Variants in SORL1 observed in about 807,000 individuals in gnomAD.
The protein encoded by SORL1 is sortilin related receptor 1, also known as sortilin-related receptor.
In SORL1, 127 loss-of-function variants were observed where a neutral mutation model predicts 273.7. The ratio of observed to expected loss-of-function variants is 0.46; its 90% CI spans 0.40 to 0.54. SORL1 has a LOEUF of 0.54. Ranked by LOEUF, SORL1 falls within the 20% of genes least tolerant of loss-of-function variation. The pLI is 0.00. For missense variants in SORL1, 2,494 were observed against 2,846.1 expected, an observed-to-expected ratio of 0.88 and a Z score of 2.81; for synonymous variants, 1,031 against 1,067.4, an observed-to-expected ratio of 0.97 and a Z score of 0.66.
rs1250689304 is a variant in SORL1 at position 121,630,477 on chromosome 11, A to C, written c.*914A>C. 1 of 152,240 alleles carries C rather than the reference A, an allele frequency of 6.6e-6. No individual in the cohort carries two copies. The highest frequency in any genetic ancestry group is 1.5e-5 in the Non-Finnish European group (1 of 68,038). 9.4% of individuals were successfully genotyped at this position (152,240 alleles called of 1,614,324 possible). On this transcript the variant is annotated 3_prime_UTR_variant, in exon 48 of 48. Transcript: ENST00000260197. The stretch of plus-strand genomic sequence containing the variant: ...ATCCATACACTGGCTAATAGAGTAC[A>C]TAATTTTTCCATTTTCCATTTTTTG...
At chr11:121,473,492 T>C (rs1306671248) in intron 2 of SORL1, among the ~76,000 whole-genome samples, 2 of 152,264 alleles carry the variant, frequency 1.3e-5, no homozygotes, top group African/African-American at 4.8e-5. Context: ...AACTCTTTGT[T>C]TCTGCTCTCT....
intron 2 of SORL1, among the ~76,000 whole-genome samples, chr11:121,471,247 G>A (rs1396332106): frequency 2.0e-5 from 3 of 152,372 alleles, no homozygotes; most frequent in Non-Finnish European, 4.4e-5. Context: ...GGCTCTGGTT[G>A]CCGTGCAGGA....
At chr11:121,578,810 G>A (rs61902964) in intron 25 of SORL1, among the ~76,000 whole-genome samples, 3,311 of 152,270 alleles carry the variant, frequency 0.022, 66 homozygotes, top group Non-Finnish European at 0.035. Flanking sequence ...TCTTTCTGGC[G>A]CAGCCTCTGT....
intron 25 of SORL1, among the ~76,000 whole-genome samples, chr11:121,577,949 T>A (rs1171493715): frequency 6.6e-6 from 1 of 152,172 alleles, no homozygotes; most frequent in East Asian, 1.9e-4. Flanking sequence ...GGATGAATGG[T>A]GGCCAGATAT....
intron 42 of SORL1, 36 bp downstream of exon 42, chr11:121,618,929 T>A: frequency 6.2e-7 from 1 of 1,612,866 alleles, no homozygotes; most frequent in Non-Finnish European, 8.5e-7. Context: ...TTTTAAGGGA[T>A]GTCTTAAGTC....
intron 39 of SORL1, chr11:121,611,498 C>T (rs866786441): frequency 5.1e-5 from 9 of 176,128 alleles, no homozygotes; most frequent in Admixed American, 1.2e-4. Context: ...TGGTGCTAAG[C>T]GCTAATGCTG....
At chr11:121,507,740 AT>A (rs1044028034) in intron 6 of SORL1, among the ~76,000 whole-genome samples, 26 of 147,824 alleles carry the variant, frequency 1.8e-4, no homozygotes, top group Non-Finnish European at 2.6e-4. Context: ...AGCTTATTTA[AT>A]TTTTTTTTTT....
At chr11:121,622,126 C>A in intron 44 of SORL1, 36 bp from the exon 45 acceptor site, 3 of 1,128,282 alleles carry the variant, frequency 2.7e-6, no homozygotes, top group Non-Finnish European at 2.7e-6. Flanking sequence ...AAATGTATAT[C>A]CACTAACCGC....
intron 11 of SORL1, among the ~76,000 whole-genome samples, chr11:121,528,879 G>T (rs1862161378): frequency 6.6e-6 from 1 of 152,166 alleles, no homozygotes. Flanking sequence ...TTATTTATAT[G>T]AAGGTGGTTG....
At chr11:121,459,319 C>T (rs1421221879) in intron 1 of SORL1, among the ~76,000 whole-genome samples, 1 of 152,248 alleles carries the variant, frequency 6.6e-6, no homozygotes, top group South Asian at 2.1e-4. Flanking sequence ...ACCTCTGCTT[C>T]ACCCAAGAGA....
chr11:121,471,815 G>A (rs1369242919), intron 2 of SORL1, among the ~76,000 whole-genome samples: 3 of 152,184 alleles, frequency 2.0e-5, no homozygotes, highest in Admixed American at 6.5e-5. Flanking sequence ...GACTTTGCCC[G>A]GGGTGGGTTC....
chr11:121,467,399 G>T (rs1861100626), intron 1 of SORL1, among the ~76,000 whole-genome samples: 1 of 152,104 alleles, frequency 6.6e-6, no homozygotes, highest in East Asian at 1.9e-4. Flanking sequence ...TGCCCACTCT[G>T]ATCACTGAAA....
intron 32 of SORL1, among the ~76,000 whole-genome samples, chr11:121,602,475 C>T (rs562759761): frequency 1.3e-5 from 2 of 152,316 alleles, no homozygotes; most frequent in South Asian, 4.1e-4. Context: ...CTCCCCCATC[C>T]TTGTATCTTT....
In SORL1 at chr11:121,596,067, A is replaced by G. The variant is rs760115117; in HGVS notation, c.4519+295A>G. Among the ~76,000 whole-genome samples, 1 of 152,138 alleles carries G rather than the reference A, an allele frequency of 6.6e-6. No homozygotes were observed. Among genetic ancestry groups the G allele is most frequent in the African/African-American group, 2.4e-5 (1 of 41,402 alleles). On this transcript the variant is annotated intron_variant, in intron 32 of 47. Coordinates refer to ENST00000260197, the MANE Select transcript of SORL1 (RefSeq NM_003105.6). This position sits in a 1 kb window ranked among gnomAD's most constrained non-coding sequence, Gnocchi z 4.3. The stretch of plus-strand genomic sequence containing the variant: ...TAAATAGGTTTCATAAGCATGTTTA[A>G]CTCTTTAAAAACGCCCTTGGGGAAA...
At chr11:121,581,550 A>C (rs1863015503) in intron 25 of SORL1, among the ~76,000 whole-genome samples, 2 of 152,244 alleles carry the variant, frequency 1.3e-5, no homozygotes. Context: ...TGTAATTAAA[A>C]AAAAAATATG....
chr11:121,531,261 G>T (rs1862198101), intron 11 of SORL1, among the ~76,000 whole-genome samples: 1 of 152,158 alleles, frequency 6.6e-6, no homozygotes, highest in African/African-American at 2.4e-5. Flanking sequence ...GGGCGTGGTG[G>T]TGCATGCCTG....
intron 2 of SORL1, among the ~76,000 whole-genome samples, chr11:121,471,332 C>G (rs917558374): frequency 3.3e-5 from 5 of 152,284 alleles, no homozygotes; most frequent in African/African-American, 1.2e-4. Flanking sequence ...GTGAAAACTG[C>G]TGAGTCTTAC....
Position 121,545,359 on chromosome 11 carries a change from T to C in SORL1, c.1981T>C (p.Phe661Leu). Residue 661 changes from phenylalanine to leucine, a missense_variant, in exon 14 of 48, where the codon TTC becomes CTC. By Grantham distance (22) the Phe-to-Leu change is conservative. Coordinates refer to ENST00000260197, the MANE Select transcript of SORL1 (RefSeq NM_003105.6). ...FKRRTPHATC[F>L]NGEDFDRPVV... ...ACGGCGGACCCCCCATGCCACATGC[T>C]TCAATGGAGAGGACTTTGACAGGCC... 2 of 1,614,192 alleles carry C rather than the reference T, an allele frequency of 1.2e-6. No homozygotes were observed. Among genetic ancestry groups the C allele is most frequent in the Non-Finnish European group, 8.5e-7 (1 of 1,180,014 alleles).
At chr11:121,587,954 C>T (rs973548035) in intron 27 of SORL1, 66 bp from the exon 28 acceptor site, 11 of 1,594,436 alleles carry the variant, frequency 6.9e-6, no homozygotes, top group Non-Finnish European at 9.4e-6. Context: ...GTGCACTTGC[C>T]CAGGGCTAGA....
Sources: allele counts gnomAD v4.1 joint callset (sites outside exome capture counted in the v4.1 genomes callset), GRCh38; gene constraint gnomAD v4.1.1; non-coding constraint Gnocchi (gnomAD v3.1); transcripts MANE v1.5; gene names NCBI Gene and HGNC (gene_info 2026-07-23, HGNC 2026-07-21).